HMCN1: variants seen among roughly 807,000 people sequenced by gnomAD.
HMCN1 encodes hemicentin 1.
In HMCN1, 321 loss-of-function variants were observed where a neutral mutation model predicts 625.9. The observed-to-expected ratio is 0.51, with a 90% confidence interval of 0.47 to 0.56. HMCN1 has a LOEUF of 0.56. Among genes scored for constraint, HMCN1 ranks in the 20% least tolerant of loss-of-function variants. The probability of loss-of-function intolerance (pLI) is 0.00; values close to 1 mark genes in which losing one functional copy is unlikely to be tolerated. For synonymous variants in HMCN1, 2,425 were observed against 2,417.6 expected (o/e 1.00, Z -0.09); for missense variants, 6,588 against 6,887.3 (o/e 0.96, Z 1.54).
intron 4 of HMCN1, 116 bp from the exon 5 acceptor site, chr1:185,909,221 C>T (rs1447521347): frequency 5.3e-6 from 4 of 754,104 alleles, no homozygotes; most frequent in Non-Finnish European, 9.3e-6. Context: ...AAATAAATTT[C>T]ACACCAGTCC....
intron 30 of HMCN1, among the ~76,000 whole-genome samples, 193 bp downstream of exon 30, chr1:186,007,475 T>C (rs1442221984): frequency 1.3e-5 from 2 of 152,164 alleles, no homozygotes; most frequent in Admixed American, 6.6e-5. Flanking sequence ...CTTTTTTCAT[T>C]AAATATGGTT....
chr1:186,086,376 C>T lies in HMCN1; in HGVS notation c.9015C>T (p.Ile3005=), dbSNP rs751459581. 5.0e-6 allele frequency: 8 copies of T among 1,613,186 alleles called. No individual in the cohort carries two copies. The highest frequency in any genetic ancestry group is 6.8e-6 in the Non-Finnish European group (8 of 1,179,526). The change falls in exon 58 of 107, where the codon ATC becomes ATT. Residue 3005 remains isoleucine, a synonymous_variant. Coordinates refer to ENST00000271588, the MANE Select transcript of HMCN1 (RefSeq NM_031935.3). ...DLSWLKNEQP[I]KLNTNTLIVP... is the part of the protein sequence containing the mutation. Reference sequence around the variant, plus strand: ...GCTGGCTCAAGAATGAACAGCCCATCAAACTGAACACAAATACTCTCATTG... The same window carrying T: ...GCTGGCTCAAGAATGAACAGCCCATTAAACTGAACACAAATACTCTCATTG...
intron 11 of HMCN1, among the ~76,000 whole-genome samples, chr1:185,959,041 A>G (rs1467053678): frequency 6.6e-6 from 1 of 152,210 alleles, no homozygotes; most frequent in African/African-American, 2.4e-5. Flanking sequence ...GGTACTCAGT[A>G]AATGTTTGTT....
chr1:185,735,198 G>A (rs556642334), intron 1 of HMCN1, 151 bp downstream of exon 1: 4 of 926,232 alleles, frequency 4.3e-6, no homozygotes, highest in East Asian at 2.6e-5. Context: ...ACTTGCTGGC[G>A]TCTGGGTTTG....
chr1:186,028,786 G>A (rs1166967023), intron 36 of HMCN1, among the ~76,000 whole-genome samples: 2 of 149,526 alleles, frequency 1.3e-5, no homozygotes, highest in African/African-American at 2.5e-5. Flanking sequence ...GTACAATGGC[G>A]CGATCTTGGC....
chr1:185,963,924 A>G, intron 13 of HMCN1, 29 bp downstream of exon 13: 2 of 1,590,978 alleles, frequency 1.3e-6, no homozygotes, highest in Non-Finnish European at 1.7e-6. Flanking sequence ...AAAGGCAATT[A>G]AAATAGGATG....
chr1:186,037,991 A>G lies in HMCN1; in HGVS notation c.5807A>G (p.Asn1936Ser), dbSNP rs764316876. The G allele has an allele frequency of 6.8e-6, 11 of 1,613,266 alleles. No individual in the cohort carries two copies. In the African/African-American group the frequency reaches 1.3e-4, roughly 20 times the overall value. Residue 1936 changes from asparagine (N) to serine (S), a missense_variant, in exon 37 of 107, where the codon AAC becomes AGC. Coordinates refer to ENST00000271588, the MANE Select transcript of HMCN1 (RefSeq NM_031935.3). ...CTGAATGAGACTGTGTTGGTGAGCAACCCTGTACAGCTGGAGTGTAAGGCA... is the reference window on the plus strand; with the variant it reads ...CTGAATGAGACTGTGTTGGTGAGCAGCCCTGTACAGCTGGAGTGTAAGGCA... ...KMLNETVLVS[N>S]PVQLECKAAG...
chr1:186,071,017 A>C (rs1331045492), intron 52 of HMCN1, among the ~76,000 whole-genome samples: 2 of 152,162 alleles, frequency 1.3e-5, no homozygotes, highest in Non-Finnish European at 2.9e-5. Flanking sequence ...CAGTTAATTA[A>C]TATACAATTG....
At chr1:186,107,742 G>GT (rs1050726050) in intron 70 of HMCN1, among the ~76,000 whole-genome samples, 89 of 151,796 alleles carry the variant, frequency 5.9e-4, no homozygotes, top group African/African-American at 2.1e-3. Context: ...AGAAATTTCT[G>GT]TAAGTGCACT....
chr1:185,803,205 C>CAAAAAAAAAAAAAA, intron 1 of HMCN1, among the ~76,000 whole-genome samples: 11 of 58,754 alleles, frequency 1.9e-4, no homozygotes, highest in Admixed American at 5.3e-4. Flanking sequence ...AAAAAAAAAG[C>CAAAAAAAAAAAAAA]AAAAAAAAAA....
intron 4 of HMCN1, among the ~76,000 whole-genome samples, chr1:185,866,819 T>A (rs1181838050): frequency 6.6e-6 from 1 of 152,278 alleles, no homozygotes; most frequent in Non-Finnish European, 1.5e-5. Context: ...AACATACCAA[T>A]ACAAAGATAA....
At chr1:186,082,039 G>A (rs1659198259) in intron 56 of HMCN1, among the ~76,000 whole-genome samples, 2 of 151,992 alleles carry the variant, frequency 1.3e-5, no homozygotes, top group South Asian at 4.1e-4. Flanking sequence ...AAGAGAAAGA[G>A]GTTTATTACT....
Position 185,925,202 on chromosome 1 carries a change from G to A in HMCN1, c.1430+11G>A. ...AGACCAGTATTTGAAGTAGGTACATGTTTCTGTCAGTAATAAGATTCAGCA... is the reference window on the plus strand; with the variant it reads ...AGACCAGTATTTGAAGTAGGTACATATTTCTGTCAGTAATAAGATTCAGCA... On this transcript the variant is annotated intron_variant, in intron 9 of 106. Coordinates refer to ENST00000271588, the MANE Select transcript of HMCN1 (RefSeq NM_031935.3). The A allele has an allele frequency of 6.2e-7, 1 of 1,607,356 alleles. No homozygotes were observed. Among genetic ancestry groups the A allele is most frequent in the Non-Finnish European group, 8.5e-7 (1 of 1,173,966 alleles).
At chr1:185,838,217 A>G (rs1411553977) in intron 1 of HMCN1, among the ~76,000 whole-genome samples, 1 of 152,158 alleles carries the variant, frequency 6.6e-6, no homozygotes, top group African/African-American at 2.4e-5. Flanking sequence ...TGAAGCAGAC[A>G]TCCCCTCTTT....
At chr1:185,910,579 T>A (rs1666356516) in intron 5 of HMCN1, among the ~76,000 whole-genome samples, 1 of 151,750 alleles carries the variant, frequency 6.6e-6, no homozygotes, top group African/African-American at 2.4e-5. Context: ...CTTCTTTTTT[T>A]TTTTTTTTTG....
At chr1:185,914,165 A>G (rs1666576117) in intron 6 of HMCN1, among the ~76,000 whole-genome samples, 2 of 152,162 alleles carry the variant, frequency 1.3e-5, no homozygotes, top group Admixed American at 1.3e-4. Flanking sequence ...TTGCTTCTAT[A>G]TGAAATACCA....
At chr1:185,809,511 A>AAT (rs993338403) in intron 1 of HMCN1, among the ~76,000 whole-genome samples, 8 of 150,700 alleles carry the variant, frequency 5.3e-5, no homozygotes, top group East Asian at 1.9e-4. Flanking sequence ...TTCTAGGCAT[A>AAT]ATATATATAT....
intron 37 of HMCN1, among the ~76,000 whole-genome samples, chr1:186,038,276 T>C (rs375424049): frequency 3.3e-5 from 5 of 152,208 alleles, no homozygotes; most frequent in African/African-American, 1.2e-4. Context: ...AATCATCTTA[T>C]TGTCAATATT....
At chr1:186,147,845 G>T (rs962815223) in intron 93 of HMCN1, among the ~76,000 whole-genome samples, 2 of 152,164 alleles carry the variant, frequency 1.3e-5, no homozygotes, top group Admixed American at 1.3e-4. Context: ...GCTGGCAGAG[G>T]GTCTTGCCTT....
Sources: gnomAD v4.1 joint callset for allele counts (sites outside exome capture counted in the v4.1 genomes callset) on GRCh38, gnomAD v4.1.1 for gene constraint, MANE v1.5 for transcripts, NCBI Gene and HGNC (gene_info 2026-07-23, HGNC 2026-07-21) for gene names.